The following SORBS2 variants were observed in gnomAD, a reference collection of about 807,000 sequenced individuals.
SORBS2 encodes sorbin and SH3 domain containing 2.
SORBS2 carries 46 observed loss-of-function variants against 97.7 expected under a neutral mutation model. The observed-to-expected ratio is 0.47, with a 90% confidence interval of 0.37 to 0.60. The LOEUF (loss-of-function observed/expected upper bound fraction) is 0.60. SORBS2 is among the 20% of genes least tolerant of loss of function. The probability of loss-of-function intolerance (pLI) is 0.00; values close to 1 mark genes in which losing one functional copy is unlikely to be tolerated. For synonymous variants in SORBS2, 476 were observed against 473.4 expected, an observed-to-expected ratio of 1.01 and a Z score of -0.07; for missense variants, 1,316 against 1,282.3, an observed-to-expected ratio of 1.03 and a Z score of -0.40.
chr4:185,850,535 G>A (rs912417900), intron 1 of SORBS2, among the ~76,000 whole-genome samples: 2 of 152,140 alleles, frequency 1.3e-5, no homozygotes, highest in Admixed American at 6.6e-5. Context: ...CATCAAAATA[G>A]GGACTTAATG....
intron 5 of SORBS2, 134 bp downstream of exon 17, chr4:185,630,415 A>G (rs2096887763): frequency 2.2e-6 from 1 of 458,634 alleles, no homozygotes; most frequent in Admixed American, 4.2e-5. Flanking sequence ...AAATAAAACA[A>G]CTTCATGAGG....
At chr4:185,713,533 C>T (rs1167425167) in intron 2 of SORBS2, among the ~76,000 whole-genome samples, 3 of 151,478 alleles carry the variant, frequency 2.0e-5, no homozygotes, top group Non-Finnish European at 4.4e-5. Context: ...GTTCAGTCCA[C>T]GTACTGGCAT....
intron 2 of SORBS2, among the ~76,000 whole-genome samples, chr4:185,721,781 T>A (rs2098516842): frequency 6.6e-6 from 1 of 152,196 alleles, no homozygotes; most frequent in Admixed American, 6.5e-5. Flanking sequence ...ACGAAATCAA[T>A]CACATGAGGA....
At chr4:185,686,826 G>A (rs2097970297) in intron 2 of SORBS2, among the ~76,000 whole-genome samples, 2 of 152,192 alleles carry the variant, frequency 1.3e-5, no homozygotes, top group Admixed American at 1.3e-4. Context: ...GATGCCCTGG[G>A]CTGCACTGGT....
At chr4:185,730,759 G>C (rs931197365) in intron 2 of SORBS2, among the ~76,000 whole-genome samples, 1 of 152,290 alleles carries the variant, frequency 6.6e-6, no homozygotes, top group East Asian at 1.9e-4. Flanking sequence ...TCACAGACTT[G>C]GGCAGGTCCA....
intron 1 of SORBS2, among the ~76,000 whole-genome samples, chr4:185,907,412 A>G (rs928372594): frequency 2.6e-5 from 4 of 152,214 alleles, no homozygotes; most frequent in Non-Finnish European, 5.9e-5. Flanking sequence ...ATGAGGTAGA[A>G]AAAGCTCGGT....
chr4:185,886,554 C>CAAAAAAAAAAAA (rs1198439527), intron 1 of SORBS2, among the ~76,000 whole-genome samples: 1 of 72,948 alleles, frequency 1.4e-5, no homozygotes, highest in African/African-American at 6.1e-5. Context: ...GACTCTGTCT[C>CAAAAAAAAAAAA]AAAAAAAAAA....
intron 1 of SORBS2, chr4:185,656,499 G>C (rs893759823): frequency 2.2e-6 from 1 of 458,398 alleles, no homozygotes; most frequent in Non-Finnish European, 3.7e-6. Flanking sequence ...TTATTGTCTT[G>C]GCTGCCCAGG....
chr4:185,800,686 G>C (rs1406291731), intron 1 of SORBS2, among the ~76,000 whole-genome samples: 3 of 152,118 alleles, frequency 2.0e-5, no homozygotes, highest in Non-Finnish European at 4.4e-5. Context: ...TCTTCCTGCT[G>C]TCTTAGCTGG....
chr4:185,637,734 G>T (rs1196850700), intron 4 of SORBS2, among the ~76,000 whole-genome samples: 1 of 152,024 alleles, frequency 6.6e-6, no homozygotes, highest in African/African-American at 2.4e-5. Flanking sequence ...GTGCTCTTCT[G>T]CTTGAACTAG....
At chr4:185,840,177 AG>A (rs2099210626) in intron 1 of SORBS2, among the ~76,000 whole-genome samples, 1 of 152,336 alleles carries the variant, frequency 6.6e-6, no homozygotes, top group African/African-American at 2.4e-5. Context: ...GTGGATGAAC[AG>A]GGGTTGTTCA....
At chr4:185,845,854 A>G (rs1453513686) in intron 1 of SORBS2, among the ~76,000 whole-genome samples, 1 of 152,248 alleles carries the variant, frequency 6.6e-6, no homozygotes, top group Non-Finnish European at 1.5e-5. Context: ...AATGAAAACT[A>G]TTACACACCT....
intron 11 of SORBS2, 76 bp from the exon 24 acceptor site, chr4:185,612,056 T>C (rs769214147): frequency 1.0e-4 from 117 of 1,140,776 alleles, no homozygotes; most frequent in Non-Finnish European, 1.4e-4. Flanking sequence ...ATGTTTTCTA[T>C]GAAAAAATAG....
rs531908472 is a variant in SORBS2, at chr4:185,944,546, GC to G, written c.-338+11649del. Among the ~76,000 whole-genome samples, 232 of 152,286 alleles carry G rather than the reference GC, an allele frequency of 1.5e-3. 1 individual carries two copies. Among genetic ancestry groups the G allele is most frequent in the Middle Eastern group, 6.8e-3 (2 of 294 alleles). On this transcript the variant is annotated intron_variant, in intron 1 of 20. Coordinates refer to the SORBS2 transcript ENST00000284776. ...AAATGCATAGTGCAGAAATCACACA[GC>G]CCTTTTGATGCATTGACACTTTTCA... is the stretch of plus-strand genomic sequence containing the variant.
chr4:185,604,410 C>G (rs1354887649), intron 12 of SORBS2, among the ~76,000 whole-genome samples: 1 of 152,008 alleles, frequency 6.6e-6, no homozygotes, highest in African/African-American at 2.4e-5. Context: ...GTGAGCAGGG[C>G]TGAGAAAGTG....
exon 15 of SORBS2, chr4:185,586,295 C>T (rs138981851): frequency 6.6e-6 from 1 of 152,638 alleles, no homozygotes; most frequent in East Asian, 1.9e-4. Flanking sequence ...CATATTAAAC[C>T]TTCCAGGTCC....
At chr4:185,828,708 A>G (rs2099203405) in intron 1 of SORBS2, among the ~76,000 whole-genome samples, 1 of 152,050 alleles carries the variant, frequency 6.6e-6, no homozygotes, top group Non-Finnish European at 1.5e-5. Flanking sequence ...CATCAATTCC[A>G]TATCAAACAT....
chr4:185,888,108 C>T (rs1366839158), intron 1 of SORBS2, among the ~76,000 whole-genome samples: 1 of 149,856 alleles, frequency 6.7e-6, no homozygotes, highest in African/African-American at 2.5e-5. Context: ...AATATATTGC[C>T]TGTCCCAATT....
At chr4:185,788,970 G>A (rs575041018) in intron 1 of SORBS2, among the ~76,000 whole-genome samples, 4 of 152,300 alleles carry the variant, frequency 2.6e-5, no homozygotes, top group East Asian at 1.9e-4. Flanking sequence ...CCACAAGGGT[G>A]CTGGAAATTC....
Sources: allele counts gnomAD v4.1 joint callset (sites outside exome capture counted in the v4.1 genomes callset), GRCh38; gene constraint gnomAD v4.1.1; transcripts MANE v1.5; gene names NCBI Gene and HGNC (gene_info 2026-07-23, HGNC 2026-07-21).